CCDC126: variants seen among roughly 807,000 people sequenced by gnomAD.
CCDC126 encodes coiled-coil domain-containing protein 126.
Under a neutral mutation model 11.7 loss-of-function variants are expected in CCDC126, and 5 were observed. The observed-to-expected ratio is 0.43, with a 90% confidence interval of 0.22 to 0.90. The LOEUF (loss-of-function observed/expected upper bound fraction) is 0.90, where lower values mean the gene tolerates loss of function less well. Among genes scored for constraint, CCDC126 ranks in the 40% least tolerant of loss-of-function variants. The probability of loss-of-function intolerance (pLI) is 0.27; values close to 1 mark genes in which losing one functional copy is unlikely to be tolerated. For missense variants in CCDC126, 150 were observed against 163.1 expected, an observed-to-expected ratio of 0.92 and a Z score of 0.44; for synonymous variants, 60 against 61.9, an observed-to-expected ratio of 0.97 and a Z score of 0.14.
chr7:23,629,405 T>G (rs1287910083), intron 3 of CCDC126, among the ~76,000 whole-genome samples: 3 of 152,214 alleles, frequency 2.0e-5, no homozygotes, highest in Non-Finnish European at 2.9e-5. Flanking sequence ...GTGTATACTT[T>G]CCAGCCTCCA....
intron 3 of CCDC126, among the ~76,000 whole-genome samples, chr7:23,618,628 G>T (rs1405858410): frequency 1.4e-5 from 2 of 147,802 alleles, no homozygotes; most frequent in African/African-American, 5.0e-5. Flanking sequence ...TTGGCTCACT[G>T]CAACATCCAC....
In CCDC126 at chr7:23,638,863, CAAAAAAA is replaced by C. The variant is rs61374394; in HGVS notation, c.239-4052_239-4046del. On this transcript the variant is annotated intron_variant, in intron 3 of 3. Coordinates refer to ENST00000307471, the MANE Select transcript of CCDC126 (RefSeq NM_138771.4). ...ATGATGTAATACAATAATAAATTAA[CAAAAAAA>C]AAAAAAAAAAAAAAAGACTGTCCCC... Among the ~76,000 whole-genome samples, 89 of 108,564 alleles carry C rather than the reference CAAAAAAA, an allele frequency of 8.2e-4. 1 individual carries two copies. The highest frequency in any genetic ancestry group is 5.7e-3 in the East Asian group (20 of 3,524). 71.2% of individuals were successfully genotyped at this position (108,564 alleles called of 152,430 possible).
In CCDC126 at chr7:23,643,097, C is replaced by A; in HGVS notation, c.405C>A (p.Val135=). 6.2e-7 allele frequency: 1 copy of A among 1,613,948 alleles called. No individual in the cohort carries two copies. Among genetic ancestry groups the A allele is most frequent in the Non-Finnish European group, 8.5e-7 (1 of 1,179,922 alleles). The stretch of plus-strand genomic sequence containing the variant: ...TAACCACAAATAAAAGAACGAATGT[C>A]TCGGGCAGTATCAGATAGCAGTTGA... ...VPVTTNKRTN[V]SGSIR The change falls in exon 4 of 4, where the codon GTC becomes GTA. Residue 135 remains valine (V), a synonymous_variant. Coordinates refer to ENST00000307471, the MANE Select transcript of CCDC126 (RefSeq NM_138771.4).
At chr7:23,623,640 C>G (rs1472618476) in intron 3 of CCDC126, among the ~76,000 whole-genome samples, 1 of 151,194 alleles carries the variant, frequency 6.6e-6, no homozygotes, top group Non-Finnish European at 1.5e-5. Context: ...GGTACAAAAT[C>G]TCAGACAGGA....
Position 23,642,962 on chromosome 7 carries a change from G to T in CCDC126, c.270G>T (p.Leu90=). 6.2e-7 allele frequency: 1 copy of T among 1,614,060 alleles called. No homozygotes were observed. Among genetic ancestry groups the T allele is most frequent in the Non-Finnish European group, 8.5e-7 (1 of 1,179,972 alleles). ...ADLKRTIAVL[L]DDILQRLVKL... is the part of the protein sequence containing the mutation. The stretch of plus-strand genomic sequence containing the variant: ...TGAAAAGAACAATTGCTGTCCTTCT[G>T]GATGACATTTTGCAACGATTGGTGA... Residue 90 remains leucine (L), a synonymous_variant, in exon 4 of 4, where the codon CTG becomes CTT. Transcript: ENST00000307471.
intron 2 of CCDC126, among the ~76,000 whole-genome samples, chr7:23,608,128 G>A (rs565726776): frequency 8.5e-5 from 13 of 152,198 alleles, no homozygotes; most frequent in Non-Finnish European, 1.3e-4. Context: ...AAATTGTGGC[G>A]TTAGCATGAT....
chr7:23,631,109 G>A (rs964616207), intron 3 of CCDC126, among the ~76,000 whole-genome samples: 1 of 151,776 alleles, frequency 6.6e-6, no homozygotes, highest in Non-Finnish European at 1.5e-5. Flanking sequence ...AAAAAGAAAA[G>A]CAAACTAAAT....
chr7:23,628,244 TTTTATATAAGACTCTGGA>T (rs1248276549), intron 3 of CCDC126, among the ~76,000 whole-genome samples: 4 of 152,164 alleles, frequency 2.6e-5, no homozygotes, highest in African/African-American at 9.7e-5. Context: ...GCCTTGGACA[TTTTATATAAGACTCTGGA>T]GGAGAAAAAG....
Position 23,611,178 on chromosome 7 carries a change from A to T in CCDC126, c.-138A>T. The T allele has an allele frequency of 1.6e-6, 1 of 636,050 alleles. No homozygotes were observed. 39.4% of individuals were successfully genotyped at this position (636,050 alleles called of 1,614,324 possible). A position where few individuals can be genotyped will look rare whatever the true frequency, so the allele number is the denominator to read the frequency against. On this transcript the variant is annotated 5_prime_UTR_variant, in exon 3 of 4. Transcript: ENST00000307471. ...TTCTTCTTAATTTTACAGAGTTAAT[A>T]GAGTGGATACAACCTTGCTGAAGAT...
chr7:23,636,068 G>C (rs555040006), intron 3 of CCDC126, among the ~76,000 whole-genome samples: 6,901 of 151,926 alleles, frequency 0.045, 205 homozygotes, highest in Admixed American at 0.11. Context: ...GTTTTGCTGT[G>C]TTGGCCGGGC....
rs1028075183 is a variant in CCDC126, at chr7:23,602,537, A to G, written c.-146+4486A>G. The stretch of plus-strand genomic sequence containing the variant: ...GTGGGTTTCCTTCTGTTCAGTTTGT[A>G]TGATTTCTCCAGACCAGGCCATTTC... On this transcript the variant is annotated intron_variant, in intron 2 of 3. Transcript: ENST00000307471. Among the ~76,000 whole-genome samples, 14 of 152,170 alleles carry G rather than the reference A, an allele frequency of 9.2e-5. 1 individual carries two copies. The highest frequency in any genetic ancestry group is 1.8e-4 in the Non-Finnish European group (12 of 68,020).
At chr7:23,610,330 C>G (rs901322160) in intron 2 of CCDC126, among the ~76,000 whole-genome samples, 10 of 152,078 alleles carry the variant, frequency 6.6e-5, no homozygotes, top group Admixed American at 2.0e-4. Context: ...TGCCGCCCCA[C>G]CTTCCTGGGT....
At chr7:23,603,675 T>A (rs1310723771) in intron 2 of CCDC126, among the ~76,000 whole-genome samples, 1 of 152,202 alleles carries the variant, frequency 6.6e-6, no homozygotes, top group Admixed American at 6.5e-5. Flanking sequence ...TAGAAAAGGA[T>A]AATTGAAGGT....
At chr7:23,631,257 T>C (rs915929410) in intron 3 of CCDC126, among the ~76,000 whole-genome samples, 5 of 151,942 alleles carry the variant, frequency 3.3e-5, no homozygotes, top group African/African-American at 1.2e-4. Context: ...AAACTTATGA[T>C]AAGACTGAAA....
intron 3 of CCDC126, among the ~76,000 whole-genome samples, chr7:23,617,518 G>T (rs918570042): frequency 2.0e-5 from 3 of 152,082 alleles, no homozygotes; most frequent in African/African-American, 4.8e-5. Flanking sequence ...CTAAAAGGTT[G>T]ATGGCAAATG....
chr7:23,636,783 GC>G (rs1783230994), intron 3 of CCDC126, among the ~76,000 whole-genome samples: 1 of 130,770 alleles, frequency 7.6e-6, no homozygotes, highest in Non-Finnish European at 1.6e-5. Context: ...GGGGGGGTCA[GC>G]CCCCCGCCCG....
intron 3 of CCDC126, among the ~76,000 whole-genome samples, chr7:23,640,682 C>A (rs997662714): frequency 6.6e-6 from 1 of 152,070 alleles, no homozygotes; most frequent in Non-Finnish European, 1.5e-5. Context: ...AGTCTACTTT[C>A]TGTCTGTATA....
chr7:23,625,765 C>T (rs1783005146), intron 3 of CCDC126, among the ~76,000 whole-genome samples: 1 of 147,742 alleles, frequency 6.8e-6, no homozygotes, highest in East Asian at 2.0e-4. Context: ...ATGCCATTCT[C>T]CTGCCTCAGC....
intron 3 of CCDC126, among the ~76,000 whole-genome samples, chr7:23,617,221 A>G (rs962044231): frequency 3.3e-5 from 5 of 151,572 alleles, no homozygotes; most frequent in African/African-American, 1.2e-4. Flanking sequence ...GGTGGCACAC[A>G]CCTGTAATCC....
Sources: gnomAD v4.1 joint callset for allele counts (sites outside exome capture counted in the v4.1 genomes callset) on GRCh38, gnomAD v4.1.1 for gene constraint, MANE v1.5 for transcripts, NCBI Gene and HGNC (gene_info 2026-07-23, HGNC 2026-07-21) for gene names.